SPON1: variants seen among roughly 807,000 people sequenced by gnomAD.
The protein encoded by SPON1 is spondin 1.
SPON1 carries 52 observed loss-of-function variants against 111.7 expected under a neutral mutation model. That is an observed-to-expected ratio of 0.47 (90% CI 0.37 to 0.59). The LOEUF is 0.59. Among genes scored for constraint, SPON1 ranks in the 20% least tolerant of loss-of-function variants. The pLI, the probability that SPON1 is intolerant of heterozygous loss-of-function variation, is 0.00. For synonymous variants in SPON1, 410 were observed against 395.8 expected (o/e 1.04, Z -0.43); for missense variants, 957 against 1,068.5 (o/e 0.90, Z 1.46).
chr11:14,185,795 C>T (rs563698118), intron 6 of SPON1, among the ~76,000 whole-genome samples: 1 of 152,334 alleles, frequency 6.6e-6, no homozygotes, highest in Non-Finnish European at 1.5e-5. Flanking sequence ...TGAGCAGCGC[C>T]CCTTCTCATC....
At chr11:14,045,907 G>T (rs1221347899) in intron 3 of SPON1, among the ~76,000 whole-genome samples, 2 of 151,858 alleles carry the variant, frequency 1.3e-5, no homozygotes, top group Non-Finnish European at 2.9e-5. Context: ...TTGATTTTAT[G>T]TCTTGTTCAA....
intron 6 of SPON1, among the ~76,000 whole-genome samples, chr11:14,184,451 C>T (rs1848265118): frequency 6.6e-6 from 1 of 152,168 alleles, no homozygotes; most frequent in Non-Finnish European, 1.5e-5. Flanking sequence ...TCATTAATTG[C>T]TATTACCTCT....
intron 2 of SPON1, among the ~76,000 whole-genome samples, chr11:14,015,457 A>G (rs184104838): frequency 7.9e-4 from 121 of 152,324 alleles, no homozygotes; most frequent in Non-Finnish European, 1.5e-3. Flanking sequence ...ATCACCTCCT[A>G]AAGCCTCCAC....
chr11:14,169,856 T>A (rs1461859843), intron 6 of SPON1, among the ~76,000 whole-genome samples: 1 of 152,166 alleles, frequency 6.6e-6, no homozygotes, highest in Non-Finnish European at 1.5e-5. Flanking sequence ...TTGGTCTATA[T>A]CTCTGTTTTG....
rs149883415 is a variant in SPON1 at position 14,191,230 on chromosome 11, C to T, written c.826-52102C>T. ...CTGGGGCAGGGAATCCAATGCCTGCCCCAACTGGCCACGGCAGTGATGGAA... is the reference window on the plus strand; with the variant it reads ...CTGGGGCAGGGAATCCAATGCCTGCTCCAACTGGCCACGGCAGTGATGGAA... On this transcript the variant is annotated intron_variant, in intron 6 of 15. Transcript: ENST00000576479. Among the ~76,000 whole-genome samples, 447 of 152,312 alleles carry T rather than the reference C, an allele frequency of 2.9e-3. 4 individuals are homozygous for T. Among genetic ancestry groups the T allele is most frequent in the Middle Eastern group, 6.8e-3 (2 of 294 alleles).
At chr11:14,025,565 G>C (rs58641505) in intron 2 of SPON1, among the ~76,000 whole-genome samples, 191 of 152,284 alleles carry the variant, frequency 1.3e-3, no homozygotes, top group African/African-American at 4.4e-3. Flanking sequence ...GCTCTGGGGT[G>C]GGGCTAGGCA....
intron 4 of SPON1, among the ~76,000 whole-genome samples, chr11:14,079,569 G>C (rs868992816): frequency 1.3e-5 from 2 of 152,116 alleles, no homozygotes; most frequent in African/African-American, 4.8e-5. Flanking sequence ...ACCAGGATCC[G>C]GAAAGGATGA....
At chr11:14,091,392 G>C (rs1234850355) in intron 5 of SPON1, among the ~76,000 whole-genome samples, 1 of 152,214 alleles carries the variant, frequency 6.6e-6, no homozygotes, top group African/African-American at 2.4e-5. Flanking sequence ...GTGCTCGTTG[G>C]GGAGGCTCGG....
At chr11:14,158,056 G>A (rs1372048800) in intron 6 of SPON1, among the ~76,000 whole-genome samples, 1 of 152,072 alleles carries the variant, frequency 6.6e-6, no homozygotes, top group African/African-American at 2.4e-5. Flanking sequence ...TGCCAGACAT[G>A]TGTATGATAA....
chr11:14,008,331 G>A (rs554533389), intron 2 of SPON1, among the ~76,000 whole-genome samples: 1 of 152,004 alleles, frequency 6.6e-6, no homozygotes, highest in Non-Finnish European at 1.5e-5. Context: ...TGTATTTCGC[G>A]GGGACATTTT....
intron 5 of SPON1, among the ~76,000 whole-genome samples, chr11:14,122,708 A>C: frequency 6.6e-6 from 1 of 152,114 alleles, no homozygotes; most frequent in South Asian, 2.1e-4. Flanking sequence ...TCACTTCTGA[A>C]ATTTCCATCA....
At chr11:14,254,381 A>G (rs1849084110) in intron 7 of SPON1, 147 bp from the exon 8 acceptor site, 1 of 705,652 alleles carries the variant, frequency 1.4e-6, no homozygotes, top group Non-Finnish European at 2.3e-6. Context: ...GTATAAACCC[A>G]CAGTGGCCAA....
Position 14,254,572 on chromosome 11 carries a change from A to G in SPON1, c.935A>G (p.His312Arg). 1 of 1,613,312 alleles carries G rather than the reference A, an allele frequency of 6.2e-7. No individual in the cohort carries two copies. The change falls in exon 8 of 16, where the codon CAT becomes CGT. Residue 312 changes from histidine (H) to arginine (R), a missense_variant. Coordinates refer to ENST00000576479, the MANE Select transcript of SPON1 (RefSeq NM_006108.4). ...SAEFSVDRTR[H>R]LMSFLTMMGP... ...GAATTTTCCGTGGACAGAACGCGCCATTTAATGTCCTTCCTGACCATGATG... is the reference window on the plus strand; with the variant it reads ...GAATTTTCCGTGGACAGAACGCGCCGTTTAATGTCCTTCCTGACCATGATG...
intron 1 of SPON1, among the ~76,000 whole-genome samples, chr11:13,972,442 A>C (rs2133775192): frequency 6.6e-6 from 1 of 152,308 alleles, no homozygotes; most frequent in Middle Eastern, 3.4e-3. Flanking sequence ...GCCATTCATG[A>C]ATCTGTATTT....
At chr11:14,245,860 G>A (rs946429616) in intron 7 of SPON1, among the ~76,000 whole-genome samples, 8 of 152,218 alleles carry the variant, frequency 5.3e-5, no homozygotes, top group African/African-American at 1.9e-4. Context: ...CCTACCCAGG[G>A]CACTCTCCTG....
chr11:14,256,815 A>G (rs782549194), intron 10 of SPON1, 123 bp downstream of exon 10: 24 of 733,162 alleles, frequency 3.3e-5, no homozygotes, highest in Non-Finnish European at 5.3e-5. Context: ...CATATCTCTG[A>G]GGATTTCTCC....
chr11:14,017,940 T>C (rs1848455109), intron 2 of SPON1, among the ~76,000 whole-genome samples: 1 of 152,226 alleles, frequency 6.6e-6, no homozygotes, highest in Non-Finnish European at 1.5e-5. Flanking sequence ...TGAGTCGGAC[T>C]ATTTGGAATG....
intron 3 of SPON1, among the ~76,000 whole-genome samples, chr11:14,063,892 G>A (rs949789086): frequency 2.6e-5 from 4 of 152,140 alleles, no homozygotes; most frequent in Non-Finnish European, 2.9e-5. Context: ...AACACAGAAG[G>A]CATAAACAGC....
chr11:14,174,863 C>T (rs1848156513), intron 6 of SPON1, among the ~76,000 whole-genome samples: 1 of 152,094 alleles, frequency 6.6e-6, no homozygotes, highest in African/African-American at 2.4e-5. Flanking sequence ...TCTCTTATTA[C>T]CTGACTTTAT....
Sources: gnomAD v4.1 joint callset for allele counts (sites outside exome capture counted in the v4.1 genomes callset) on GRCh38, gnomAD v4.1.1 for gene constraint, MANE v1.5 for transcripts, NCBI Gene and HGNC (gene_info 2026-07-23, HGNC 2026-07-21) for gene names.